SGIP1: variants seen among roughly 807,000 people sequenced by gnomAD.
SGIP1 encodes SH3-containing GRB2-like protein 3-interacting protein 1.
SGIP1 carries 38 observed loss-of-function variants against 107.5 expected under a neutral mutation model. The ratio of observed to expected loss-of-function variants is 0.35; its 90% CI spans 0.27 to 0.46. The LOEUF (loss-of-function observed/expected upper bound fraction) is 0.46, where lower values mean the gene tolerates loss of function less well. SGIP1 is among the 20% of genes least tolerant of loss of function. SGIP1 has a pLI of 1.00. For synonymous variants in SGIP1, 365 were observed against 366.1 expected (o/e 1.00, Z 0.03); for missense variants, 929 against 1,019.5 (o/e 0.91, Z 1.21).
chr1:66,736,379 TA>T (rs1354130108), intron 21 of SGIP1, among the ~76,000 whole-genome samples: 2 of 95,672 alleles, frequency 2.1e-5, no homozygotes, highest in East Asian at 5.8e-4. Context: ...TATGTGAATA[TA>T]ATATATAATA....
chr1:66,632,982 G>A, intron 2 of SGIP1, 88 bp from the exon 3 acceptor site: 1 of 838,692 alleles, frequency 1.2e-6, no homozygotes, highest in Admixed American at 1.9e-5. Flanking sequence ...GGGGAGGATG[G>A]TGGTTATTGG....
intron 23 of SGIP1, 92 bp from the exon 24 acceptor site, chr1:66,741,180 G>C: frequency 7.5e-7 from 1 of 1,324,868 alleles, no homozygotes; most frequent in South Asian, 1.7e-5. Context: ...AATCATGTCT[G>C]ATTTTGTACG....
intron 1 of SGIP1, among the ~76,000 whole-genome samples, chr1:66,559,916 G>T (rs1375408555): frequency 6.6e-6 from 1 of 152,096 alleles, no homozygotes; most frequent in South Asian, 2.1e-4. Context: ...AAGTAAATAT[G>T]CAGAGGAATG....
At chr1:66,724,173 GC>G (rs1275078313) in intron 19 of SGIP1, among the ~76,000 whole-genome samples, 1 of 152,148 alleles carries the variant, frequency 6.6e-6, no homozygotes. Context: ...AACAAAACTG[GC>G]CAGTGTTTCT....
intron 1 of SGIP1, among the ~76,000 whole-genome samples, chr1:66,588,833 G>C (rs1483585956): frequency 1.3e-5 from 2 of 150,776 alleles, no homozygotes; most frequent in Non-Finnish European, 3.0e-5. Context: ...ATATCTTCTT[G>C]GAAGGAACCA....
chr1:66,635,425 G>C (rs901859158), intron 3 of SGIP1, among the ~76,000 whole-genome samples: 3 of 152,160 alleles, frequency 2.0e-5, no homozygotes, highest in African/African-American at 7.2e-5. Flanking sequence ...CAGGGTCATA[G>C]CCTTTGCTGT....
intron 17 of SGIP1, chr1:66,694,446 A>G (rs1200106565): frequency 1.2e-6 from 2 of 1,607,968 alleles, no homozygotes; most frequent in Non-Finnish European, 1.7e-6. Context: ...TAGTGTCAGA[A>G]GACGATGTTT....
intron 1 of SGIP1, among the ~76,000 whole-genome samples, chr1:66,601,717 CA>C (rs951863451): frequency 6.6e-6 from 1 of 151,602 alleles, no homozygotes; most frequent in Admixed American, 6.6e-5. Context: ...AAGTATTTTA[CA>C]AAAAAAAGCA....
intron 20 of SGIP1, among the ~76,000 whole-genome samples, chr1:66,732,735 TC>T (rs200182627): frequency 7.2e-6 from 1 of 138,134 alleles, no homozygotes; most frequent in East Asian, 2.1e-4. Context: ...TAATTTTCTC[TC>T]TTTTTTTTTT....
chr1:66,750,032 TGGGG>T lies in SGIP1; in HGVS notation c.*6939_*6942del, dbSNP rs751453805. Among the ~76,000 whole-genome samples, 25,105 of 89,224 alleles carry T rather than the reference TGGGG, an allele frequency of 0.28. 2,461 individuals are homozygous for T. Among genetic ancestry groups the T allele is most frequent in the Non-Finnish European group, 0.34 (15,420 of 45,056 alleles). 58.5% of individuals were successfully genotyped at this position (89,224 alleles called of 152,430 possible). A position where few individuals can be genotyped will look rare whatever the true frequency, so the allele number is the denominator to read the frequency against. On this transcript the variant is annotated 3_prime_UTR_variant, in exon 25 of 25. Coordinates refer to ENST00000371037, the MANE Select transcript of SGIP1 (RefSeq NM_032291.4). ...CTCTCTCTCTTTCTCTGTGTGTGTG[TGGGG>T]GTGTGTGTGTGTGTGTGTGTGTGTG...
chr1:66,595,376 T>A (rs2064435827), intron 1 of SGIP1, among the ~76,000 whole-genome samples: 1 of 152,172 alleles, frequency 6.6e-6, no homozygotes, highest in Non-Finnish European at 1.5e-5. Context: ...GCTCATACTT[T>A]TTACTGGAAG....
intron 8 of SGIP1, among the ~76,000 whole-genome samples, chr1:66,664,408 G>T (rs2082118366): frequency 6.6e-6 from 1 of 152,028 alleles, no homozygotes; most frequent in Non-Finnish European, 1.5e-5. Context: ...CTTATAAACT[G>T]GTCTGAAAAA....
chr1:66,696,621 C>G (rs1332704415), intron 18 of SGIP1, among the ~76,000 whole-genome samples: 1 of 152,100 alleles, frequency 6.6e-6, no homozygotes, highest in East Asian at 1.9e-4. Flanking sequence ...TAGAACTTAT[C>G]CAGAAATAGC....
chr1:66,552,705 G>C (rs1204862914), intron 1 of SGIP1, among the ~76,000 whole-genome samples: 1 of 152,136 alleles, frequency 6.6e-6, no homozygotes, highest in South Asian at 2.1e-4. Context: ...AAGTTATTTT[G>C]AGGAATAAAT....
chr1:66,624,572 A>T (rs1355904443), intron 1 of SGIP1, among the ~76,000 whole-genome samples: 1 of 152,188 alleles, frequency 6.6e-6, no homozygotes, highest in Non-Finnish European at 1.5e-5. Flanking sequence ...GTATCCTAAG[A>T]GGCAGATAAT....
intron 9 of SGIP1, among the ~76,000 whole-genome samples, chr1:66,670,682 C>T (rs17129318): frequency 6.6e-6 from 1 of 152,078 alleles, no homozygotes; most frequent in African/African-American, 2.4e-5. Flanking sequence ...ATCTACTAGA[C>T]TTCAAGAGGT....
chr1:66,598,982 A>G (rs1016185263), intron 1 of SGIP1, among the ~76,000 whole-genome samples: 1 of 152,214 alleles, frequency 6.6e-6, no homozygotes, highest in Admixed American at 6.5e-5. Context: ...AAAAATGTAC[A>G]GAAAAATGTA....
In SGIP1 at chr1:66,643,510, A is replaced by G. The variant is rs74813417; in HGVS notation, c.284-34A>G. 1.4e-3 allele frequency: 2,197 copies of G among 1,570,340 alleles called. 36 individuals carry two copies. In the African/African-American group the frequency reaches 0.026, roughly 18 times the overall value. The stretch of plus-strand genomic sequence containing the variant: ...TCTTGGAGTCGTTGCCTCCCAGTAG[A>G]AGAAAGAGTTATGTATCTTTAACTG... On this transcript the variant is annotated intron_variant, in intron 6 of 24. Transcript: ENST00000371037.
At position 66,642,790 on chromosome 1, in the gene SGIP1, T is replaced by C. The variant is rs1175688780; in HGVS notation, c.229-20T>C. The C allele has an allele frequency of 6.3e-7, 1 of 1,598,526 alleles. No individual in the cohort carries two copies. The highest frequency in any genetic ancestry group is 1.1e-5 in the South Asian group (1 of 88,320). The stretch of plus-strand genomic sequence containing the variant: ...CACTGTTAGGATAATAATTACTTCA[T>C]GTGCACTTGTGTTTTATAGAACTCA... On this transcript the variant is annotated intron_variant, in intron 5 of 24. Transcript: ENST00000371037.
Sources: gnomAD v4.1 joint callset for allele counts (sites outside exome capture counted in the v4.1 genomes callset) on GRCh38, gnomAD v4.1.1 for gene constraint, MANE v1.5 for transcripts, NCBI Gene and HGNC (gene_info 2026-07-23, HGNC 2026-07-21) for gene names.